Variants in SH3D19 observed in about 807,000 individuals in gnomAD.
The protein encoded by SH3D19 is SH3 domain containing 19, also known as SH3 domain-containing protein 19.
Under a neutral mutation model 112.1 loss-of-function variants are expected in SH3D19, and 58 were observed. That is an observed-to-expected ratio of 0.52 (90% CI 0.42 to 0.64). The LOEUF is 0.64. Among genes scored for constraint, SH3D19 ranks in the 30% least tolerant of loss-of-function variants. The probability of loss-of-function intolerance (pLI) is 0.00; values close to 1 mark genes in which losing one functional copy is unlikely to be tolerated. For missense variants in SH3D19, 1,090 were observed against 1,263.4 expected (o/e 0.86, Z 2.08); for synonymous variants, 391 against 448.5 (o/e 0.87, Z 1.62).
chr4:151,287,773 G>A (rs537041920), intron 1 of SH3D19, among the ~76,000 whole-genome samples: 19 of 152,242 alleles, frequency 1.2e-4, no homozygotes, highest in South Asian at 1.2e-3. Context: ...TCAGCTACTC[G>A]GTAGGCTGCG....
chr4:151,308,473 A>T (rs547418076), intron 1 of SH3D19, among the ~76,000 whole-genome samples: 1 of 152,328 alleles, frequency 6.6e-6, no homozygotes, highest in Admixed American at 6.5e-5. Context: ...TAGGTGAGCC[A>T]TGTGGGTACC....
intron 1 of SH3D19, among the ~76,000 whole-genome samples, chr4:151,290,181 CT>C (rs1775188519): frequency 6.6e-6 from 1 of 152,138 alleles, no homozygotes; most frequent in South Asian, 2.1e-4. Context: ...AATGCCTGGC[CT>C]GATCCTCCTG....
chr4:151,181,416 A>T (rs548724381), intron 3 of SH3D19, among the ~76,000 whole-genome samples: 6 of 152,164 alleles, frequency 3.9e-5, no homozygotes, highest in African/African-American at 1.4e-4. Context: ...CAAACCTCTA[A>T]GATCTGAAAC....
chr4:151,260,231 C>T (rs1772268108), intron 1 of SH3D19, among the ~76,000 whole-genome samples: 1 of 152,222 alleles, frequency 6.6e-6, no homozygotes, highest in Admixed American at 6.5e-5. Context: ...TATCCACCCT[C>T]TTCCATTTCC....
chr4:151,173,632 G>A (rs952395261), intron 7 of SH3D19, among the ~76,000 whole-genome samples: 1 of 152,150 alleles, frequency 6.6e-6, no homozygotes, highest in Non-Finnish European at 1.5e-5. Flanking sequence ...AGCCATGTAT[G>A]TCTTTTAGTT....
At chr4:151,129,495 G>A (rs559807916) in intron 17 of SH3D19, among the ~76,000 whole-genome samples, 32 of 152,232 alleles carry the variant, frequency 2.1e-4, no homozygotes, top group Non-Finnish European at 3.7e-4. Flanking sequence ...TCAGCCTCCC[G>A]ATTAGCTAGG....
intron 14 of SH3D19, among the ~76,000 whole-genome samples, chr4:151,136,340 G>T (rs368696800): frequency 6.6e-6 from 1 of 152,014 alleles, no homozygotes; most frequent in South Asian, 2.1e-4. Context: ...TGGGGACAGG[G>T]TCTCACTATG....
At chr4:151,214,308 T>C (rs941777156) in intron 2 of SH3D19, among the ~76,000 whole-genome samples, 1 of 150,794 alleles carries the variant, frequency 6.6e-6, no homozygotes, top group Non-Finnish European at 1.5e-5. Flanking sequence ...TTCTCAATCT[T>C]TTCCCCACCT....
chr4:151,219,366 C>T (rs1159226408), intron 2 of SH3D19, among the ~76,000 whole-genome samples: 3 of 152,172 alleles, frequency 2.0e-5, no homozygotes, highest in African/African-American at 7.2e-5. Context: ...TGCTCTTTTA[C>T]TATAAATTCC....
At chr4:151,236,797 ACT>A (rs897510187) in intron 1 of SH3D19, among the ~76,000 whole-genome samples, 21 of 152,182 alleles carry the variant, frequency 1.4e-4, no homozygotes, top group African/African-American at 4.8e-4. Context: ...GCCAATCGGC[ACT>A]CTGTGTCTAG....
chr4:151,199,635 G>A (rs1256239584), intron 2 of SH3D19, among the ~76,000 whole-genome samples: 1 of 152,086 alleles, frequency 6.6e-6, no homozygotes, highest in Non-Finnish European at 1.5e-5. Context: ...TGCCACACTG[G>A]AAGCATTTTA....
intron 2 of SH3D19, among the ~76,000 whole-genome samples, chr4:151,208,876 A>G: frequency 6.8e-6 from 1 of 147,346 alleles, no homozygotes. Flanking sequence ...ACGGGGTTTC[A>G]CCGTGTTAGC....
intron 1 of SH3D19, among the ~76,000 whole-genome samples, chr4:151,307,132 C>T (rs1370065943): frequency 6.6e-6 from 1 of 151,016 alleles, no homozygotes; most frequent in Admixed American, 6.6e-5. Context: ...CATTCTCCTG[C>T]CTCAGCCTCC....
intron 1 of SH3D19, among the ~76,000 whole-genome samples, chr4:151,229,750 C>A (rs937743437): frequency 1.3e-5 from 2 of 151,988 alleles, no homozygotes; most frequent in South Asian, 4.1e-4. Flanking sequence ...GCATCTCTAC[C>A]AAAAGTACAA....
chr4:151,169,261 T>G (rs184068062), intron 7 of SH3D19, among the ~76,000 whole-genome samples: 1 of 152,350 alleles, frequency 6.6e-6, no homozygotes, highest in Non-Finnish European at 1.5e-5. Context: ...ACTCAGATAG[T>G]GTATAATTAT....
intron 1 of SH3D19, among the ~76,000 whole-genome samples, chr4:151,309,137 G>A (rs1481100968): frequency 6.6e-6 from 1 of 152,202 alleles, no homozygotes; most frequent in Non-Finnish European, 1.5e-5. Context: ...CCAAAGTACT[G>A]GGATAACAGG....
In SH3D19 at chr4:151,141,515, C is replaced by T. The variant is rs1056974282; in HGVS notation, c.2224-1668G>A. On this transcript the variant is annotated intron_variant, in intron 12 of 19. Coordinates refer to ENST00000604030, the MANE Select transcript of SH3D19 (RefSeq NM_001378122.1). Reference sequence around the variant, plus strand: ...AAAAAATTAGCCTGGCATGGTGATACACCCCTGTGGTCCCAGCTATTAGGG... The same window carrying T: ...AAAAAATTAGCCTGGCATGGTGATATACCCCTGTGGTCCCAGCTATTAGGG... Among the ~76,000 whole-genome samples the T allele has an allele frequency of 2.6e-5, 4 of 152,076 alleles. 1 individual carries two copies. The highest frequency in any genetic ancestry group is 5.9e-5 in the Non-Finnish European group (4 of 68,018).
At chr4:151,235,435 TAAAAA>T (rs1057346821) in intron 1 of SH3D19, among the ~76,000 whole-genome samples, 1 of 152,168 alleles carries the variant, frequency 6.6e-6, no homozygotes, top group Admixed American at 6.5e-5. Context: ...ATCCTGCAAT[TAAAAA>T]AATTTATTTA....
At chr4:151,211,695 T>C (rs934637530) in intron 2 of SH3D19, among the ~76,000 whole-genome samples, 35 of 152,068 alleles carry the variant, frequency 2.3e-4, no homozygotes, top group Non-Finnish European at 4.3e-4. Context: ...GTGGTCTGGA[T>C]AGAAGATCAA....
Sources: allele counts gnomAD v4.1 joint callset (sites outside exome capture counted in the v4.1 genomes callset), GRCh38; gene constraint gnomAD v4.1.1; transcripts MANE v1.5; gene names NCBI Gene and HGNC (gene_info 2026-07-23, HGNC 2026-07-21).